The following GABRG3 variants were observed in gnomAD, a reference collection of about 807,000 sequenced individuals.
GABRG3 encodes the protein gamma-aminobutyric acid type A receptor subunit gamma3.
A neutral mutation model predicts 48.8 loss-of-function variants in GABRG3; 25 were observed. The observed-to-expected ratio is 0.51, with a 90% CI of 0.37 to 0.72. GABRG3 has a LOEUF of 0.72. Ranked by LOEUF, GABRG3 falls within the 30% of genes least tolerant of loss-of-function variation. The pLI is 0.00. For synonymous variants in GABRG3, 227 were observed against 217.6 expected (o/e 1.04, Z -0.38); for missense variants, 394 against 577.9 (o/e 0.68, Z 3.26).
chr15:27,144,437 A>G (rs1400364200), intron 3 of GABRG3, among the ~76,000 whole-genome samples: 1 of 152,196 alleles, frequency 6.6e-6, no homozygotes, highest in East Asian at 1.9e-4. Flanking sequence ...TTCAAAGGGC[A>G]TGTCTTTATT....
At chr15:27,515,412 A>G (rs932983424) in intron 6 of GABRG3, among the ~76,000 whole-genome samples, 1 of 152,258 alleles carries the variant, frequency 6.6e-6, no homozygotes, top group South Asian at 2.1e-4. Flanking sequence ...TTTTATAAAC[A>G]AATGTAATAA....
intron 3 of GABRG3, among the ~76,000 whole-genome samples, chr15:27,247,307 G>A (rs1230905199): frequency 6.6e-6 from 1 of 151,878 alleles, no homozygotes; most frequent in Non-Finnish European, 1.5e-5. Context: ...TAACCCTCGG[G>A]CTTAGTGCTC....
At chr15:27,017,330 T>C (rs1386117236) in intron 2 of GABRG3, among the ~76,000 whole-genome samples, 1 of 152,142 alleles carries the variant, frequency 6.6e-6, no homozygotes, top group East Asian at 1.9e-4. Context: ...ATAATGGGTG[T>C]GTTGCTTTCT....
intron 5 of GABRG3, among the ~76,000 whole-genome samples, chr15:27,381,851 G>C (rs1273131044): frequency 2.6e-5 from 4 of 152,116 alleles, no homozygotes; most frequent in African/African-American, 4.8e-5. Context: ...TGAGAGATGG[G>C]AGGCTGAGAT....
At chr15:27,269,858 A>G (rs1234864683) in intron 3 of GABRG3, among the ~76,000 whole-genome samples, 2 of 152,216 alleles carry the variant, frequency 1.3e-5, no homozygotes, top group African/African-American at 2.4e-5. Context: ...CTGTCTATCT[A>G]TCTACATGTC....
chr15:27,191,763 T>A (rs540272396), intron 3 of GABRG3, among the ~76,000 whole-genome samples: 147 of 152,258 alleles, frequency 9.7e-4, no homozygotes, highest in African/African-American at 3.1e-3. Flanking sequence ...TTTGAACCTG[T>A]CATTATGATG....
intron 5 of GABRG3, among the ~76,000 whole-genome samples, chr15:27,416,988 C>T (rs980590385): frequency 6.6e-6 from 1 of 152,186 alleles, no homozygotes; most frequent in Non-Finnish European, 1.5e-5. Context: ...TGAAGGGTGG[C>T]TGTTTAATAA....
At chr15:27,229,760 A>C (rs1190600379) in intron 3 of GABRG3, among the ~76,000 whole-genome samples, 1 of 152,072 alleles carries the variant, frequency 6.6e-6, no homozygotes, top group Non-Finnish European at 1.5e-5. Flanking sequence ...TACAGGTCTG[A>C]GCCTCTGCGC....
intron 3 of GABRG3, among the ~76,000 whole-genome samples, chr15:27,199,486 C>G (rs1888612095): frequency 6.6e-6 from 1 of 152,072 alleles, no homozygotes; most frequent in African/African-American, 2.4e-5. Flanking sequence ...TGAATGTGAT[C>G]GCCAGGGGCC....
intron 3 of GABRG3, among the ~76,000 whole-genome samples, chr15:27,129,713 G>GTT (rs144545389): frequency 7.0e-6 from 1 of 142,742 alleles, no homozygotes. Context: ...TTTCTGTTTT[G>GTT]TTTTTTTTTT....
intron 3 of GABRG3, among the ~76,000 whole-genome samples, chr15:27,105,195 T>C (rs1897429160): frequency 6.6e-6 from 1 of 152,120 alleles, no homozygotes; most frequent in Non-Finnish European, 1.5e-5. Flanking sequence ...AAGAGGAACG[T>C]TACATAATGA....
At chr15:27,515,233 C>T (rs1226140191) in intron 6 of GABRG3, among the ~76,000 whole-genome samples, 1 of 151,968 alleles carries the variant, frequency 6.6e-6, no homozygotes, top group East Asian at 1.9e-4. Context: ...GCTGGGATTA[C>T]AGGCATCCAC....
At chr15:27,520,168 T>C (rs1417647756) in intron 7 of GABRG3, 44 bp downstream of exon 7, 6 of 1,521,986 alleles carry the variant, frequency 3.9e-6, no homozygotes, top group Admixed American at 4.2e-5. Flanking sequence ...GTAATTGTAA[T>C]ATAGAAGCAT....
intron 3 of GABRG3, among the ~76,000 whole-genome samples, chr15:27,092,041 TTAAA>T (rs1897194782): frequency 1.3e-5 from 2 of 152,178 alleles, no homozygotes; most frequent in Admixed American, 6.5e-5. Context: ...GTCACACCTG[TTAAA>T]TAAACTTTTC....
At chr15:27,139,434 G>A (rs905093922) in intron 3 of GABRG3, among the ~76,000 whole-genome samples, 2 of 152,144 alleles carry the variant, frequency 1.3e-5, no homozygotes, top group Non-Finnish European at 2.9e-5. Flanking sequence ...GATGGTGCCT[G>A]CCCACATCAG....
chr15:27,140,270 C>G (rs893423510), intron 3 of GABRG3, among the ~76,000 whole-genome samples: 1 of 152,038 alleles, frequency 6.6e-6, no homozygotes, highest in Non-Finnish European at 1.5e-5. Flanking sequence ...GCCCTCAACC[C>G]GTGAGGGCTG....
intron 3 of GABRG3, among the ~76,000 whole-genome samples, chr15:27,130,029 G>A (rs1221292973): frequency 6.6e-6 from 1 of 151,958 alleles, no homozygotes; most frequent in Non-Finnish European, 1.5e-5. Flanking sequence ...TGTTGATAGG[G>A]ACTTTTGATG....
chr15:27,336,088 CTGAGGCAGGATAATCACT>C (rs1893953796), intron 5 of GABRG3, among the ~76,000 whole-genome samples: 1 of 151,972 alleles, frequency 6.6e-6, no homozygotes, highest in African/African-American at 2.4e-5. Context: ...ACTTGGAAGG[CTGAGGCAGGATAATCACT>C]TGAACCCTGG....
intron 2 of GABRG3, among the ~76,000 whole-genome samples, chr15:27,024,117 G>A (rs939821591): frequency 1.4e-4 from 21 of 152,058 alleles, no homozygotes; most frequent in African/African-American, 5.1e-4. Context: ...CTTCTTGGGG[G>A]AAATGTCTAT....
Sources: gnomAD v4.1 joint callset for allele counts (sites outside exome capture counted in the v4.1 genomes callset) on GRCh38, gnomAD v4.1.1 for gene constraint, MANE v1.5 for transcripts, NCBI Gene and HGNC (gene_info 2026-07-23, HGNC 2026-07-21) for gene names.